Variants in PRC1 observed in about 807,000 individuals in gnomAD.
The protein encoded by PRC1 is anaphase spindle elongation 1 homolog.
PRC1 carries 54 observed loss-of-function variants against 91.2 expected under a neutral mutation model. The observed-to-expected ratio is 0.59, with a 90% confidence interval of 0.48 to 0.74. The LOEUF (loss-of-function observed/expected upper bound fraction) is 0.74. Ranked by LOEUF, PRC1 falls within the 30% of genes least tolerant of loss-of-function variation. PRC1 has a pLI of 0.00. For missense variants in PRC1, 727 were observed against 746.2 expected, an observed-to-expected ratio of 0.97 and a Z score of 0.30; for synonymous variants, 275 against 263.6, an observed-to-expected ratio of 1.04 and a Z score of -0.42.
Position 90,991,462 on chromosome 15 carries a change from G to T in PRC1, c.11+2945C>A, listed in dbSNP as rs191641820. On this transcript the variant is annotated intron_variant, in intron 1 of 14. Transcript: ENST00000394249. ...AATAAAAATTTTACTAATATATAACGTATTTTATTTGGCCTGTTGGAAATG... is the reference window on the plus strand; with the variant it reads ...AATAAAAATTTTACTAATATATAACTTATTTTATTTGGCCTGTTGGAAATG... Among the ~76,000 whole-genome samples, 58 of 151,448 alleles carry T rather than the reference G, an allele frequency of 3.8e-4. 1 individual carries two copies. The highest frequency in any genetic ancestry group is 3.8e-3 in the Admixed American group (57 of 15,196).
chr15:90,970,610 G>T, intron 11 of PRC1, 96 bp from the exon 12 acceptor site: 2 of 850,308 alleles, frequency 2.4e-6, no homozygotes, highest in South Asian at 3.0e-5. Flanking sequence ...ATGGGAGGAG[G>T]CAGTCTAGGG....
chr15:90,976,889 G>A (rs920588851), intron 8 of PRC1, 118 bp from the exon 9 acceptor site: 11 of 759,006 alleles, frequency 1.4e-5, no homozygotes, highest in Non-Finnish European at 1.7e-5. Flanking sequence ...CCAGCACTTT[G>A]GGAGGCCGAG....
chr15:90,967,044 A>C lies in PRC1; in HGVS notation c.*87T>G. The C allele has an allele frequency of 8.1e-7, 1 of 1,231,312 alleles. No individual in the cohort carries two copies. Among genetic ancestry groups the C allele is most frequent in the Non-Finnish European group, 1.2e-6 (1 of 839,768 alleles). 76.3% of individuals were successfully genotyped at this position (1,231,312 alleles called of 1,614,324 possible). A position where few individuals can be genotyped will look rare whatever the true frequency, so the allele number is the denominator to read the frequency against. On this transcript the variant is annotated 3_prime_UTR_variant, in exon 15 of 15. Transcript: ENST00000394249. ...CCTGGCCAAGGTTTCAAGCACGCCT[A>C]AGCTGAAGAAAAACTAAAGTCACCC...
At chr15:90,980,425 A>G (rs757550773) in intron 6 of PRC1, 36 bp from the exon 7 acceptor site, 3 of 1,597,002 alleles carry the variant, frequency 1.9e-6, no homozygotes. Context: ...TGGCTGCCAT[A>G]GTTTTATATT....
At position 90,980,918 on chromosome 15, in the gene PRC1, A is replaced by C; in HGVS notation, c.788T>G (p.Ile263Ser). ...GACCTTGGCCTTTGACCCAGACATA[A>C]TGGTGGCCACAGCTTCTCTTTCTTC... ...PEEEREAVAT[I>S]MSGSKAKVRK... is the part of the protein sequence containing the mutation. The change falls in exon 6 of 15, where the codon ATT becomes AGT. Residue 263 changes from isoleucine to serine, a missense_variant. Coordinates refer to ENST00000394249, the MANE Select transcript of PRC1 (RefSeq NM_003981.4). The C allele has an allele frequency of 1.9e-6, 3 of 1,614,098 alleles. No individual in the cohort carries two copies. Among genetic ancestry groups the C allele is most frequent in the Non-Finnish European group, 2.5e-6 (3 of 1,180,004 alleles).
chr15:90,968,641 T>G, intron 14 of PRC1: 1 of 1,003,888 alleles, frequency 1.0e-6, no homozygotes, highest in South Asian at 4.3e-5. Context: ...TAGCTGAGAA[T>G]AGAGCTGGCG....
intron 14 of PRC1, chr15:90,967,959 G>A: frequency 2.0e-6 from 2 of 985,290 alleles, no homozygotes; most frequent in Non-Finnish European, 2.4e-6. Context: ...CTGAGGCCTT[G>A]TAACCTGCTG....
At chr15:90,993,070 C>CAAAAAAAAAAAAAA (rs67427806) in intron 1 of PRC1, among the ~76,000 whole-genome samples, 1 of 30,920 alleles carries the variant, frequency 3.2e-5, no homozygotes, top group Admixed American at 5.0e-4. Flanking sequence ...GACCCCGTCT[C>CAAAAAAAAAAAAAA]AAAAAAAAAA....
chr15:90,992,887 C>G (rs2040059429), intron 1 of PRC1, among the ~76,000 whole-genome samples: 1 of 151,842 alleles, frequency 6.6e-6, no homozygotes. Context: ...CACTGATCCA[C>G]TGCCCTATTT....
At chr15:90,970,659 T>C (rs2038042642) in intron 11 of PRC1, 145 bp from the exon 12 acceptor site, 1 of 602,366 alleles carries the variant, frequency 1.7e-6, no homozygotes. Context: ...CTGTGTCTAA[T>C]ACTGCATAGA....
chr15:90,974,516 G>A lies in PRC1; in HGVS notation c.1350+69C>T. 1 of 1,594,098 alleles carries A rather than the reference G, an allele frequency of 6.3e-7. No individual in the cohort carries two copies. Among genetic ancestry groups the A allele is most frequent in the Middle Eastern group, 1.7e-4 (1 of 6,006 alleles). On this transcript the variant is annotated intron_variant, in intron 10 of 14. Coordinates refer to ENST00000394249, the MANE Select transcript of PRC1 (RefSeq NM_003981.4). The surrounding 1 kb of genome is among the most constrained non-coding windows in gnomAD (Gnocchi z 4.6). ...CCTGTTCCACAAACCCTGGTCCCCGGCAGAGACTATGGGCTGCTCAGATTA... is the reference window on the plus strand; with the variant it reads ...CCTGTTCCACAAACCCTGGTCCCCGACAGAGACTATGGGCTGCTCAGATTA...
chr15:90,972,655 C>T (rs575057453), intron 11 of PRC1, among the ~76,000 whole-genome samples: 23 of 151,960 alleles, frequency 1.5e-4, no homozygotes, highest in African/African-American at 5.3e-4. Context: ...AGGAGAATTG[C>T]TTGAAACCAG....
Position 90,974,069 on chromosome 15 carries a change from A to G in PRC1, c.1461+67T>C. On this transcript the variant is annotated intron_variant, in intron 11 of 14. Coordinates refer to ENST00000394249, the MANE Select transcript of PRC1 (RefSeq NM_003981.4). The surrounding 1 kb of genome is among the most constrained non-coding windows in gnomAD (Gnocchi z 4.6). ...GGTGTGGAGGGGCTGGCCCCCTTCAAAGAGGTGGCTGGGACTACCCTCACC... is the reference window on the plus strand; with the variant it reads ...GGTGTGGAGGGGCTGGCCCCCTTCAGAGAGGTGGCTGGGACTACCCTCACC... 1.5e-6 allele frequency: 2 copies of G among 1,377,292 alleles called. No individual in the cohort carries two copies. Among genetic ancestry groups the G allele is most frequent in the Non-Finnish European group, 2.1e-6 (2 of 968,204 alleles). 85.3% of individuals were successfully genotyped at this position (1,377,292 alleles called of 1,614,324 possible).
rs187408968 is a variant in PRC1 at position 90,976,238 on chromosome 15, G to A, written c.1203+438C>T. Among the ~76,000 whole-genome samples the A allele has an allele frequency of 1.2e-4, 19 of 152,098 alleles. No homozygotes were observed. In the East Asian group the frequency reaches 3.3e-3, roughly 26 times the overall value. On this transcript the variant is annotated intron_variant, in intron 9 of 14. Coordinates refer to ENST00000394249, the MANE Select transcript of PRC1 (RefSeq NM_003981.4). The stretch of plus-strand genomic sequence containing the variant: ...TGAGTAGCTGGGATTACAGGTGCCC[G>A]CCACCATGCCTGGCTAATTTTTGTA...
At chr15:90,977,493 G>A (rs1368390679) in intron 8 of PRC1, among the ~76,000 whole-genome samples, 1 of 151,846 alleles carries the variant, frequency 6.6e-6, no homozygotes, top group Non-Finnish European at 1.5e-5. Context: ...AGTTACTAGA[G>A]AGGATGGTAG....
chr15:90,984,968 C>A lies in PRC1; in HGVS notation c.12-143G>T, dbSNP rs1426683715. 1.1e-6 allele frequency: 1 copy of A among 948,178 alleles called. No homozygotes were observed. The highest frequency in any genetic ancestry group is 2.5e-5 in the East Asian group (1 of 39,288). 58.7% of individuals were successfully genotyped at this position (948,178 alleles called of 1,614,324 possible). On this transcript the variant is annotated intron_variant, in intron 1 of 14. Transcript: ENST00000394249. The surrounding 1 kb of genome is among the most constrained non-coding windows in gnomAD (Gnocchi z 5.1). ...GAAAACAAGCATTCAGCTTAATTCA[C>A]CTTTAACCACTCCCCATCCCTTTTC...
intron 1 of PRC1, chr15:90,988,355 T>C (rs2039729822): frequency 6.6e-6 from 1 of 152,170 alleles, no homozygotes; most frequent in Non-Finnish European, 1.5e-5. Context: ...GTCTCCTCAG[T>C]CTGACAGACC....
intron 14 of PRC1, 48 bp from the exon 15 acceptor site, chr15:90,967,250 A>G (rs1199163758): frequency 6.7e-7 from 1 of 1,487,192 alleles, no homozygotes; most frequent in African/African-American, 1.4e-5. Flanking sequence ...TCTCTTACAC[A>G]TGGCCCACCC....
intron 14 of PRC1, chr15:90,968,073 G>A (rs559535644): frequency 2.0e-6 from 2 of 985,462 alleles, no homozygotes; most frequent in Non-Finnish European, 2.4e-6. Flanking sequence ...TACCGGCTTT[G>A]GTGCTGCCTG....
Sources: gnomAD v4.1 joint callset for allele counts (sites outside exome capture counted in the v4.1 genomes callset) on GRCh38, gnomAD v4.1.1 for gene constraint, Gnocchi (gnomAD v3.1) non-coding constraint, MANE v1.5 for transcripts, NCBI Gene and HGNC (gene_info 2026-07-23, HGNC 2026-07-21) for gene names.